The following TIFA variants were observed in gnomAD, a reference collection of about 807,000 sequenced individuals.
The protein encoded by TIFA is TRAF-interacting protein with FHA domain-containing protein A.
For missense variants in TIFA, 186 were observed against 215.2 expected (o/e 0.86, Z 0.85); for synonymous variants, 75 against 79.2 (o/e 0.95, Z 0.28).
chr4:112,284,358 C>T (rs1727280258), intron 1 of TIFA, among the ~76,000 whole-genome samples: 1 of 152,142 alleles, frequency 6.6e-6, no homozygotes, highest in Non-Finnish European at 1.5e-5. Flanking sequence ...CGTGAAGAGA[C>T]ATACCACCTC....
At chr4:112,282,823 A>T (rs1259852862) in intron 1 of TIFA, among the ~76,000 whole-genome samples, 1 of 152,226 alleles carries the variant, frequency 6.6e-6, no homozygotes, top group Non-Finnish European at 1.5e-5. Flanking sequence ...TTCCCACCCT[A>T]CTTTATAAAA....
At chr4:112,285,398 A>T (rs1040894017) in intron 1 of TIFA, 1 of 152,242 alleles carries the variant, frequency 6.6e-6, no homozygotes, top group African/African-American at 2.4e-5. Flanking sequence ...ACACACCCCC[A>T]TCTCCAATGT....
In TIFA at chr4:112,277,671, C is replaced by CTAGGTTGTCA; in HGVS notation, c.*190_*191insTGACAACCTA. 1 of 409,582 alleles carries CTAGGTTGTCA rather than the reference C, an allele frequency of 2.4e-6. No homozygotes were observed. The highest frequency in any genetic ancestry group is 4.2e-6 in the Non-Finnish European group (1 of 240,738). 25.4% of individuals were successfully genotyped at this position (409,582 alleles called of 1,614,324 possible). A position where few individuals can be genotyped will look rare whatever the true frequency, so the allele number is the denominator to read the frequency against. ...GCAGTTAAAATAATTTTGTGTAGAT[C>CTAGGTTGTCA]CAGAATACAACAGGTGACTAAGTTA... On this transcript the variant is annotated 3_prime_UTR_variant, in exon 2 of 2. Transcript: ENST00000361717.
At chr4:112,283,039 T>C (rs1407643215) in intron 1 of TIFA, among the ~76,000 whole-genome samples, 1 of 152,202 alleles carries the variant, frequency 6.6e-6, no homozygotes, top group Non-Finnish European at 1.5e-5. Flanking sequence ...AAAATAACCC[T>C]GTGAATCACT....
At chr4:112,284,863 T>C (rs1727291417) in intron 1 of TIFA, among the ~76,000 whole-genome samples, 1 of 135,232 alleles carries the variant, frequency 7.4e-6, no homozygotes, top group Middle Eastern at 3.7e-3. Context: ...GAATTAATAC[T>C]AAAACCACAG....
intron 1 of TIFA, among the ~76,000 whole-genome samples, chr4:112,280,201 T>C (rs1277587662): frequency 6.6e-6 from 1 of 152,158 alleles, no homozygotes; most frequent in East Asian, 1.9e-4. Flanking sequence ...TAATCAGTCT[T>C]AAGTGAGATT....
At position 112,278,216 on chromosome 4, in the gene TIFA, T is replaced by C; in HGVS notation, c.201A>G (p.Arg67=). ...TAAACAGCTGCAGAGAAAACTGAAC[T>C]CGGGAAACCTGTTTGTCCTGAAAAG... ...HYTFQDKQVS[R]VQFSLQLFKK... is the part of the protein sequence containing the mutation. Residue 67 remains arginine, a synonymous_variant, in exon 2 of 2, where the codon CGA becomes CGG. Coordinates refer to ENST00000361717, the MANE Select transcript of TIFA (RefSeq NM_052864.3). 10 of 1,613,372 alleles carry C rather than the reference T, an allele frequency of 6.2e-6. No individual in the cohort carries two copies. The highest frequency in any genetic ancestry group is 8.5e-6 in the Non-Finnish European group (10 of 1,179,820).
At chr4:112,278,656 T>A (rs1727168845) in intron 1 of TIFA, among the ~76,000 whole-genome samples, 2 of 152,216 alleles carry the variant, frequency 1.3e-5, no homozygotes, top group Admixed American at 6.5e-5. Context: ...ATTTCTAGTT[T>A]GACTATAACA....
Position 112,276,655 on chromosome 4 carries a change from A to C in TIFA, c.*1207T>G, listed in dbSNP as rs1727120578. ...AGTCGGGGTTAGGGTGCTGGACATC[A>C]CATACTACTGCCCAGGAATAGACTG... is the stretch of plus-strand genomic sequence containing the variant. On this transcript the variant is annotated 3_prime_UTR_variant, in exon 2 of 2. Transcript: ENST00000361717. 6.6e-6 allele frequency: 1 copy of C among 152,238 alleles called. No individual in the cohort carries two copies. Among genetic ancestry groups the C allele is most frequent in the South Asian group, 2.1e-4 (1 of 4,832 alleles). 9.4% of individuals were successfully genotyped at this position (152,238 alleles called of 1,614,324 possible).
chr4:112,285,304 C>G (rs1727302386), intron 1 of TIFA, among the ~76,000 whole-genome samples: 1 of 151,942 alleles, frequency 6.6e-6, no homozygotes, highest in South Asian at 2.1e-4. Flanking sequence ...CGCACAACTG[C>G]TCTGGAGCCA....
chr4:112,283,022 A>G (rs1019179994), intron 1 of TIFA, among the ~76,000 whole-genome samples: 7 of 152,178 alleles, frequency 4.6e-5, no homozygotes, highest in Admixed American at 3.3e-4. Flanking sequence ...CAGGTCATCT[A>G]ATCTTCAAAA....
rs777016113 is a variant in TIFA at position 112,278,036 on chromosome 4, C to A, written c.381G>T (p.Glu127Asp). 1 of 1,614,028 alleles carries A rather than the reference C, an allele frequency of 6.2e-7. No individual in the cohort carries two copies. Among genetic ancestry groups the A allele is most frequent in the South Asian group, 1.1e-5 (1 of 91,070 alleles). ...VRFGEYQFLM[E>D]KEDGESLEFF... is the part of the protein sequence containing the mutation. ...ATTCCAATGACTCGCCATCTTCCTT[C>A]TCCATCAGAAACTGATACTCTCCGA... is the stretch of plus-strand genomic sequence containing the variant. Residue 127 changes from glutamate (E) to aspartate (D), a missense_variant, in exon 2 of 2, where the codon GAG (glutamate) becomes GAT (aspartate). Transcript: ENST00000361717.
rs1475784455 is a variant in TIFA, at chr4:112,276,773, G to A, written c.*1089C>T. On this transcript the variant is annotated 3_prime_UTR_variant, in exon 2 of 2. Transcript: ENST00000361717. ...TTTAAAAGGCTGTTACAAAAATACG[G>A]ACCTCTTACTACAGGAAATTTCATT... is the stretch of plus-strand genomic sequence containing the variant. 1 of 152,100 alleles carries A rather than the reference G, an allele frequency of 6.6e-6. No homozygotes were observed. Among genetic ancestry groups the A allele is most frequent in the Admixed American group, 6.5e-5 (1 of 15,268 alleles). The allele number at this position is 152,100 out of a possible 1,614,324, so 9.4% of individuals were successfully genotyped here.
At chr4:112,284,911 A>G (rs1349314559) in intron 1 of TIFA, among the ~76,000 whole-genome samples, 1 of 137,184 alleles carries the variant, frequency 7.3e-6, no homozygotes, top group Admixed American at 7.3e-5. Flanking sequence ...AAAAAAAAAA[A>G]GTGAAAACCA....
Position 112,277,145 on chromosome 4 carries a change from T to C in TIFA, c.*717A>G, listed in dbSNP as rs1174359228. On this transcript the variant is annotated 3_prime_UTR_variant, in exon 2 of 2. Transcript: ENST00000361717. Reference sequence around the variant, plus strand: ...CTATTAAAAAGGTGAATTCGTGAAATTTTAAGATTGTGTATAACACATAAA... The same window carrying C: ...CTATTAAAAAGGTGAATTCGTGAAACTTTAAGATTGTGTATAACACATAAA... 6.6e-6 allele frequency: 1 copy of C among 152,206 alleles called. No individual in the cohort carries two copies. The highest frequency in any genetic ancestry group is 1.5e-5 in the Non-Finnish European group (1 of 68,038). 9.4% of individuals were successfully genotyped at this position (152,206 alleles called of 1,614,324 possible). A position where few individuals can be genotyped will look rare whatever the true frequency, so the allele number is the denominator to read the frequency against.
At chr4:112,279,314 T>C (rs1471956236) in intron 1 of TIFA, among the ~76,000 whole-genome samples, 2 of 152,216 alleles carry the variant, frequency 1.3e-5, no homozygotes, top group Non-Finnish European at 2.9e-5. Flanking sequence ...AAAAGCAGTA[T>C]AACAGGACAG....
chr4:112,280,147 A>AGCTACC (rs1260210491), intron 1 of TIFA, among the ~76,000 whole-genome samples: 31 of 152,074 alleles, frequency 2.0e-4, no homozygotes, highest in Non-Finnish European at 4.4e-4. Flanking sequence ...CCCTTGCTGC[A>AGCTACC]GCTACCGGAC....
intron 1 of TIFA, among the ~76,000 whole-genome samples, chr4:112,285,072 T>G (rs547505155): frequency 6.6e-6 from 1 of 152,112 alleles, no homozygotes; most frequent in African/African-American, 2.4e-5. Context: ...GGATTTTGGC[T>G]TCAGAGGATT....
At chr4:112,283,225 G>C (rs180851461) in intron 1 of TIFA, among the ~76,000 whole-genome samples, 91 of 152,276 alleles carry the variant, frequency 6.0e-4, no homozygotes, top group Middle Eastern at 3.4e-3. Flanking sequence ...AGAGAAGGGG[G>C]ACATAAATGT....
Sources: allele counts gnomAD v4.1 joint callset (sites outside exome capture counted in the v4.1 genomes callset), GRCh38; gene constraint gnomAD v4.1.1; transcripts MANE v1.5; gene names NCBI Gene and HGNC (gene_info 2026-07-23, HGNC 2026-07-21).